The following TENM2 variants were observed in gnomAD, a reference collection of about 807,000 sequenced individuals.
The protein encoded by TENM2 is teneurin-2.
Under a neutral mutation model 245.2 loss-of-function variants are expected in TENM2, and 52 were observed. That is an observed-to-expected ratio of 0.21 (90% CI 0.17 to 0.27). The LOEUF is 0.27. Among genes scored for constraint, TENM2 ranks in the 10% least tolerant of loss-of-function variants. TENM2 has a pLI of 1.00. For missense variants in TENM2, 3,046 were observed against 3,666.8 expected (o/e 0.83, Z 4.37); for synonymous variants, 1,363 against 1,438.9 (o/e 0.95, Z 1.19).
rs74419156 is a variant in TENM2 at position 168,003,024 on chromosome 5, C to G, written c.1186+9842C>G. Among the ~76,000 whole-genome samples, 1,252 of 152,260 alleles carry G rather than the reference C, an allele frequency of 8.2e-3. 16 individuals are homozygous for G. Among genetic ancestry groups the G allele is most frequent in the African/African-American group, 0.028 (1,168 of 41,552 alleles). Reference sequence around the variant, plus strand: ...GTGTTTTGCATGAGCATCTCCTGTCCTGGTGTTAATCAGGCACACACAGCA... The same window carrying G: ...GTGTTTTGCATGAGCATCTCCTGTCGTGGTGTTAATCAGGCACACACAGCA... On this transcript the variant is annotated intron_variant, in intron 5 of 28. Transcript: ENST00000518659.
At chr5:167,502,831 A>T (rs1769296580) in intron 2 of TENM2, among the ~76,000 whole-genome samples, 1 of 152,170 alleles carries the variant, frequency 6.6e-6, no homozygotes, top group African/African-American at 2.4e-5. Flanking sequence ...TTCTAAAGCC[A>T]AATATATAAA....
intron 2 of TENM2, among the ~76,000 whole-genome samples, chr5:167,562,609 C>G (rs1233306833): frequency 6.6e-6 from 1 of 152,102 alleles, no homozygotes; most frequent in Non-Finnish European, 1.5e-5. Context: ...GAGAAGAGCT[C>G]AGAATGTGAA....
At chr5:168,228,022 A>T (rs1480376381) in exon 25 of TENM2, 1 of 1,613,876 alleles carries the variant, frequency 6.2e-7, no homozygotes, top group Non-Finnish European at 8.5e-7. Flanking sequence ...CCACCATTGG[A>T]CGCTGCAACA....
At chr5:167,036,253 C>G in the TENM2 span, among the ~76,000 whole-genome samples, 4 of 152,082 alleles carry the variant, frequency 2.6e-5, 1 homozygote, top group Non-Finnish European at 2.9e-5. Flanking sequence ...CGGGGTCCAG[C>G]TTGGAGGTTT....
chr5:167,388,941 T>C (rs908286189), intron 2 of TENM2, among the ~76,000 whole-genome samples: 1 of 152,060 alleles, frequency 6.6e-6, no homozygotes, highest in Non-Finnish European at 1.5e-5. Flanking sequence ...TTCTCCCTTA[T>C]GTTATCAGAG....
chr5:167,815,709 A>T (rs549143799), intron 2 of TENM2, among the ~76,000 whole-genome samples: 1 of 152,252 alleles, frequency 6.6e-6, no homozygotes, highest in African/African-American at 2.4e-5. Flanking sequence ...AGAACAAGAA[A>T]ACATTGACTG....
chr5:167,931,333 G>T (rs376065094), intron 3 of TENM2, among the ~76,000 whole-genome samples: 17 of 152,130 alleles, frequency 1.1e-4, no homozygotes, highest in African/African-American at 3.9e-4. Flanking sequence ...AGATTGAACT[G>T]GGGTGAGAAT....
At chr5:167,066,676 T>A in the TENM2 span, among the ~76,000 whole-genome samples, 11,222 of 152,102 alleles carry the variant, frequency 0.074, 669 homozygotes, top group South Asian at 0.19. Flanking sequence ...CCAGAATGTT[T>A]CAATGCAAAT....
intron 2 of TENM2, among the ~76,000 whole-genome samples, chr5:167,443,352 T>G (rs1424570151): frequency 1.3e-5 from 2 of 152,132 alleles, no homozygotes; most frequent in East Asian, 3.9e-4. Context: ...TTAGAACAAA[T>G]TAAGAAAATC....
At chr5:168,100,785 A>T (rs1422633189) in intron 9 of TENM2, among the ~76,000 whole-genome samples, 1 of 152,144 alleles carries the variant, frequency 6.6e-6, no homozygotes, top group Non-Finnish European at 1.5e-5. Flanking sequence ...CCTAATGTAG[A>T]TGATGGGTTG....
intron 9 of TENM2, among the ~76,000 whole-genome samples, chr5:168,117,460 C>G (rs1795164447): frequency 6.6e-6 from 1 of 152,170 alleles, no homozygotes; most frequent in South Asian, 2.1e-4. Context: ...CCTACACATG[C>G]ATATCTAGGA....
the TENM2 span, among the ~76,000 whole-genome samples, chr5:167,071,097 C>T: frequency 6.6e-6 from 1 of 152,024 alleles, no homozygotes; most frequent in Non-Finnish European, 1.5e-5. Context: ...GGCACGCAAG[C>T]CCTGTGTGCT....
chr5:167,986,898 G>A (rs1783290268), intron 4 of TENM2, among the ~76,000 whole-genome samples: 1 of 152,140 alleles, frequency 6.6e-6, no homozygotes. Flanking sequence ...TTACCTTGTG[G>A]GTCTTGCTTC....
At chr5:168,225,285 A>G (rs1432333515) in intron 23 of TENM2, among the ~76,000 whole-genome samples, 3 of 152,182 alleles carry the variant, frequency 2.0e-5, no homozygotes, top group African/African-American at 7.2e-5. Context: ...CTAGGAGATG[A>G]CAAGTGAGAC....
chr5:167,517,508 T>C (rs1209016290), intron 2 of TENM2, among the ~76,000 whole-genome samples: 1 of 152,138 alleles, frequency 6.6e-6, no homozygotes, highest in Non-Finnish European at 1.5e-5. Context: ...CTAGTGCTTA[T>C]GAACTGCTAT....
At chr5:167,777,219 G>A (rs1054148662) in intron 2 of TENM2, among the ~76,000 whole-genome samples, 18 of 152,182 alleles carry the variant, frequency 1.2e-4, no homozygotes, top group Admixed American at 1.0e-3. Flanking sequence ...CTTTGGGTGT[G>A]TATATTAGCA....
At chr5:168,217,997 A>C (rs1360465544) in intron 22 of TENM2, 128 bp from the exon 25 acceptor site, 2 of 948,416 alleles carry the variant, frequency 2.1e-6, no homozygotes, top group Non-Finnish European at 3.1e-6. Context: ...AATGAAGAGC[A>C]TTTCTAATAC....
intron 6 of TENM2, among the ~76,000 whole-genome samples, chr5:168,057,867 G>C (rs983068224): frequency 6.6e-6 from 1 of 152,068 alleles, no homozygotes; most frequent in African/African-American, 2.4e-5. Context: ...GTGGGAGAGT[G>C]GTGGGTAGCT....
chr5:167,155,624 G>A, the TENM2 span, among the ~76,000 whole-genome samples: 1 of 152,284 alleles, frequency 6.6e-6, no homozygotes, highest in Middle Eastern at 3.4e-3. Context: ...CCATAGAGCC[G>A]TGGCGTAGTG....
Sources: gnomAD v4.1 joint callset for allele counts (sites outside exome capture counted in the v4.1 genomes callset) on GRCh38, gnomAD v4.1.1 for gene constraint, MANE v1.5 for transcripts, NCBI Gene and HGNC (gene_info 2026-07-23, HGNC 2026-07-21) for gene names.